ZNF682: variants seen among roughly 807,000 people sequenced by gnomAD.
ZNF682 encodes zinc finger protein 682.
A neutral mutation model predicts 36.5 loss-of-function variants in ZNF682; 29 were observed. The ratio of observed to expected loss-of-function variants is 0.80; its 90% confidence interval spans 0.59 to 1.08. The LOEUF is 1.08. Ranked by LOEUF, ZNF682 falls within the 50% of genes least tolerant of loss-of-function variation. The pLI, the probability that ZNF682 is intolerant of heterozygous loss-of-function variation, is 0.00. For missense variants in ZNF682, 561 were observed against 579.7 expected, an observed-to-expected ratio of 0.97 and a Z score of 0.33; for synonymous variants, 180 against 197.0, an observed-to-expected ratio of 0.91 and a Z score of 0.72.
Position 20,027,293 on chromosome 19 carries a change from G to A in ZNF682, c.4-2917C>T, listed in dbSNP as rs534768223. Among the ~76,000 whole-genome samples the A allele has an allele frequency of 4.2e-3, 638 of 152,300 alleles. 7 individuals are homozygous for A. Among genetic ancestry groups the A allele is most frequent in the Non-Finnish European group, 3.6e-3 (245 of 68,028 alleles). On this transcript the variant is annotated intron_variant, in intron 1 of 3. Coordinates refer to ENST00000397165, the MANE Select transcript of ZNF682 (RefSeq NM_033196.3). ...TGTCATTGTCACAGGAGAATTTCAGGAACAGTGAGCTTCTACCTAAAGACT... is the reference window on the plus strand; with the variant it reads ...TGTCATTGTCACAGGAGAATTTCAGAAACAGTGAGCTTCTACCTAAAGACT...
At chr19:19,996,641 A>G (rs2088130232), downstream of ZNF682, among the ~76,000 whole-genome samples, 1 of 152,164 alleles carries the variant, frequency 6.6e-6, no homozygotes, top group South Asian at 2.1e-4. Context: ...TGAGGATGCA[A>G]AGGCATAAGA....
chr19:19,995,280 C>A (rs911280322), downstream of ZNF682, among the ~76,000 whole-genome samples: 6 of 152,126 alleles, frequency 3.9e-5, no homozygotes, highest in African/African-American at 1.4e-4. Flanking sequence ...TTTACACTCA[C>A]CAGACTGTAT....
At chr19:20,004,085 G>A (rs1250098710), downstream of ZNF682, among the ~76,000 whole-genome samples, 1 of 152,152 alleles carries the variant, frequency 6.6e-6, no homozygotes, top group Admixed American at 6.5e-5. Context: ...CACAGAGGTT[G>A]CATGTTCAAA....
intron 1 of ZNF682, among the ~76,000 whole-genome samples, chr19:20,031,660 C>T (rs554482566): frequency 2.0e-5 from 3 of 152,206 alleles, no homozygotes; most frequent in Admixed American, 1.3e-4. Context: ...AATGATATGT[C>T]GGCCGGGCAC....
intron 3 of ZNF682, among the ~76,000 whole-genome samples, chr19:20,012,119 A>C (rs1386980585): frequency 6.6e-6 from 1 of 152,190 alleles, no homozygotes; most frequent in Non-Finnish European, 1.5e-5. Context: ...ATAGTGCTAA[A>C]CTTTTATATC....
At chr19:20,003,473 G>A (rs1173421884), downstream of ZNF682, among the ~76,000 whole-genome samples, 1 of 151,812 alleles carries the variant, frequency 6.6e-6, no homozygotes, top group East Asian at 1.9e-4. Context: ...GGGAGGCTGA[G>A]GCGGGTGGAT....
In ZNF682 at chr19:20,007,224, T is replaced by G. The variant is rs747222267; in HGVS notation, c.278A>C (p.Asp93Ala). 1.9e-6 allele frequency: 3 copies of G among 1,613,716 alleles called. No homozygotes were observed. Among genetic ancestry groups the G allele is most frequent in the Non-Finnish European group, 2.5e-6 (3 of 1,179,998 alleles). Residue 93 changes from aspartate (D) to alanine (A), a missense_variant, in exon 4 of 4, where the codon GAT becomes GCT. By Grantham distance (126) the Asp-to-Ala change is moderately radical. Coordinates refer to ENST00000397165, the MANE Select transcript of ZNF682 (RefSeq NM_033196.3). ...EDLLPEQCMQ[D>A]SFQKVILRRY... ...TCTCAGTATCACTTTTTGGAATGAA[T>G]CTTGCATGCACTGTTCTGGCAAAAG...
intron 1 of ZNF682, among the ~76,000 whole-genome samples, chr19:20,027,388 C>T (rs542182779): frequency 6.6e-6 from 1 of 152,304 alleles, no homozygotes; most frequent in Admixed American, 6.5e-5. Context: ...ATTTCTGCTG[C>T]AGCAAAGGGC....
rs151319989 is a variant in ZNF682 at position 20,005,531 on chromosome 19, A to G, written c.*474T>C. The G allele has an allele frequency of 0.012, 1,831 of 154,992 alleles. 19 individuals are homozygous for G. The highest frequency in any genetic ancestry group is 0.032 in the South Asian group (161 of 4,996). 9.6% of individuals were successfully genotyped at this position (154,992 alleles called of 1,614,324 possible). Reference sequence around the variant, plus strand: ...TCCTATGTACAACAAAATCTGTAACATAAGTAAAAGTATTGCAACAATCTT... The same window carrying G: ...TCCTATGTACAACAAAATCTGTAACGTAAGTAAAAGTATTGCAACAATCTT... On this transcript the variant is annotated 3_prime_UTR_variant, in exon 4 of 4. Transcript: ENST00000397165.
At chr19:20,038,906 T>G (rs894393633) in intron 1 of ZNF682, among the ~76,000 whole-genome samples, 3 of 152,224 alleles carry the variant, frequency 2.0e-5, no homozygotes, top group African/African-American at 7.2e-5. Context: ...CATAAATCAC[T>G]GTTAACTTCA....
downstream of ZNF682, among the ~76,000 whole-genome samples, chr19:19,999,514 T>C (rs1203724910): frequency 6.6e-6 from 1 of 152,126 alleles, no homozygotes; most frequent in East Asian, 1.9e-4. Context: ...CAAATTATCA[T>C]TGCATGTTTC....
At chr19:20,018,295 G>A (rs575228269) in intron 3 of ZNF682, among the ~76,000 whole-genome samples, 4 of 150,934 alleles carry the variant, frequency 2.7e-5, no homozygotes, top group Non-Finnish European at 5.9e-5. Flanking sequence ...GGGTTTCACC[G>A]TTTTTAGCCG....
intron 3 of ZNF682, among the ~76,000 whole-genome samples, chr19:20,018,501 T>G (rs1462270165): frequency 6.6e-6 from 1 of 152,048 alleles, no homozygotes; most frequent in African/African-American, 2.4e-5. Context: ...GCTATAAAGA[T>G]AGAAATAATG....
Position 20,005,519 on chromosome 19 carries a change from A to C in ZNF682, c.*486T>G, listed in dbSNP as rs2088205896. 6.5e-6 allele frequency: 1 copy of C among 154,550 alleles called. No homozygotes were observed. The highest frequency in any genetic ancestry group is 2.0e-4 in the South Asian group (1 of 4,986). The allele number at this position is 154,550 out of a possible 1,614,324, so 9.6% of individuals were successfully genotyped here. On this transcript the variant is annotated 3_prime_UTR_variant, in exon 4 of 4. Transcript: ENST00000397165. ...CAGTATAAATTCTCCTATGTACAACAAAATCTGTAACATAAGTAAAAGTAT... is the reference window on the plus strand; with the variant it reads ...CAGTATAAATTCTCCTATGTACAACCAAATCTGTAACATAAGTAAAAGTAT...
chr19:19,997,081 A>C (rs1412588612), exon 4 of ZNF682: 5 of 393,586 alleles, frequency 1.3e-5, no homozygotes, highest in Non-Finnish European at 1.8e-5. Flanking sequence ...AAAAAAAAAA[A>C]CCCAGAATAG....
In ZNF682 at chr19:20,007,213, T is replaced by C. The variant is rs1599603239; in HGVS notation, c.289A>G (p.Lys97Glu). Residue 97 changes from lysine (K) to glutamate (E), a missense_variant, in exon 4 of 4, where the codon AAA becomes GAA. Lys to Glu is a moderately conservative substitution (Grantham distance 56). Coordinates refer to ENST00000397165, the MANE Select transcript of ZNF682 (RefSeq NM_033196.3). ...PEQCMQDSFQ[K>E]VILRRYGSCG... ...CTTCCATATCTTCTCAGTATCACTT[T>C]TTGGAATGAATCTTGCATGCACTGT... 8.7e-6 allele frequency: 14 copies of C among 1,613,626 alleles called. No homozygotes were observed. In the East Asian group the frequency reaches 3.1e-4, roughly 36 times the overall value.
chr19:20,022,993 A>C lies in ZNF682; in HGVS notation c.226+11T>G. 6.2e-7 allele frequency: 1 copy of C among 1,611,964 alleles called. No homozygotes were observed. The highest frequency in any genetic ancestry group is 8.5e-7 in the Non-Finnish European group (1 of 1,178,672). ...TTCACCTGTGGCATGTGTTTCATTC[A>C]TCCAACCTACCTGGGGGTTTGGCTA... On this transcript the variant is annotated intron_variant, in intron 3 of 3. Transcript: ENST00000397165.
chr19:20,026,876 A>C (rs2088436479), intron 1 of ZNF682, among the ~76,000 whole-genome samples: 1 of 152,194 alleles, frequency 6.6e-6, no homozygotes, highest in African/African-American at 2.4e-5. Context: ...TGATATATAA[A>C]AGAGAAGTAT....
At chr19:20,011,428 A>G (rs953811811) in intron 3 of ZNF682, among the ~76,000 whole-genome samples, 2 of 152,232 alleles carry the variant, frequency 1.3e-5, no homozygotes, top group African/African-American at 4.8e-5. Context: ...GAAAACTAAC[A>G]AAGAAATTCT....
Sources: allele counts gnomAD v4.1 joint callset (sites outside exome capture counted in the v4.1 genomes callset), GRCh38; gene constraint gnomAD v4.1.1; transcripts MANE v1.5; gene names NCBI Gene and HGNC (gene_info 2026-07-23, HGNC 2026-07-21).